The following ST18 variants were observed in gnomAD, a reference collection of about 807,000 sequenced individuals.
The protein encoded by ST18 is suppression of tumorigenicity 18 protein.
ST18 carries 50 observed loss-of-function variants against 110.0 expected under a neutral mutation model. The ratio of observed to expected loss-of-function variants is 0.45; its 90% confidence interval spans 0.36 to 0.58. The LOEUF is 0.58. Ranked by LOEUF, ST18 falls within the 20% of genes least tolerant of loss-of-function variation. The probability of loss-of-function intolerance (pLI) is 0.00; values close to 1 mark genes in which losing one functional copy is unlikely to be tolerated. For synonymous variants in ST18, 461 were observed against 452.4 expected (o/e 1.02, Z -0.24); for missense variants, 1,306 against 1,280.1 (o/e 1.02, Z -0.31).
intron 2 of ST18, among the ~76,000 whole-genome samples, chr8:52,270,711 G>T (rs1037611564): frequency 5.3e-5 from 8 of 152,086 alleles, no homozygotes; most frequent in African/African-American, 1.7e-4. Flanking sequence ...GTAGGTAAGT[G>T]GTTGTTTGGG....
intron 12 of ST18, 23 bp from the exon 13 acceptor site, chr8:52,164,113 G>A (rs1440288791): frequency 3.2e-6 from 5 of 1,585,136 alleles, no homozygotes; most frequent in Non-Finnish European, 4.3e-6. Context: ...AGAAACACAG[G>A]AGGATTTTAG....
intron 9 of ST18, among the ~76,000 whole-genome samples, chr8:52,173,247 CA>C (rs553037068): frequency 1.2e-4 from 18 of 152,282 alleles, no homozygotes; most frequent in African/African-American, 3.8e-4. Context: ...TTAGCATGAT[CA>C]AATCATATCT....
At chr8:52,232,263 C>T (rs1262529451) in intron 2 of ST18, among the ~76,000 whole-genome samples, 1 of 152,184 alleles carries the variant, frequency 6.6e-6, no homozygotes, top group Admixed American at 6.5e-5. Flanking sequence ...ACTTGATCTT[C>T]CCTTCAGATG....
At chr8:52,306,434 T>C (rs1482124535) in intron 2 of ST18, among the ~76,000 whole-genome samples, 1 of 152,084 alleles carries the variant, frequency 6.6e-6, no homozygotes, top group African/African-American at 2.4e-5. Flanking sequence ...AGAGAAGACG[T>C]GCGGTGAGTT....
rs148079856 is a variant in ST18, at chr8:52,227,441, A to G, written c.-419+2591T>C. On this transcript the variant is annotated intron_variant, in intron 3 of 25. Coordinates refer to ENST00000689386, the MANE Select transcript of ST18 (RefSeq NM_001352837.2). ...ACCAGACTGGAGAAGCTTCCAGAAG[A>G]CGATGATTCCTGAAAAATTCATCCC... is the stretch of plus-strand genomic sequence containing the variant. Among the ~76,000 whole-genome samples the G allele has an allele frequency of 6.6e-5, 10 of 152,300 alleles. No homozygotes were observed. In the East Asian group the frequency reaches 1.5e-3, roughly 23 times the overall value.
chr8:52,281,470 G>C (rs141286144), intron 2 of ST18, among the ~76,000 whole-genome samples: 77 of 152,198 alleles, frequency 5.1e-4, no homozygotes, highest in African/African-American at 1.7e-3. Context: ...TTAGAAATGC[G>C]AAAGAAGGAA....
intron 2 of ST18, among the ~76,000 whole-genome samples, chr8:52,382,078 T>C (rs1375082783): frequency 6.6e-6 from 1 of 152,148 alleles, no homozygotes; most frequent in African/African-American, 2.4e-5. Context: ...CAATAGTAGT[T>C]AGGGATCCTG....
At chr8:52,374,118 C>T (rs1831263842) in intron 2 of ST18, among the ~76,000 whole-genome samples, 1 of 152,176 alleles carries the variant, frequency 6.6e-6, no homozygotes, top group Non-Finnish European at 1.5e-5. Flanking sequence ...TTGAAGGGTG[C>T]CACCAAAATC....
At chr8:52,300,818 G>T (rs1452089993) in intron 2 of ST18, among the ~76,000 whole-genome samples, 1 of 152,028 alleles carries the variant, frequency 6.6e-6, no homozygotes. Flanking sequence ...TTTACTCCTG[G>T]CCCTTTACAG....
chr8:52,120,278 C>T (rs930092756), intron 23 of ST18, among the ~76,000 whole-genome samples: 63 of 152,256 alleles, frequency 4.1e-4, no homozygotes, highest in Middle Eastern at 3.4e-3. Flanking sequence ...TTTGAGCTAT[C>T]GAAAACTTCT....
In ST18 at chr8:52,246,946, AGTGGAAGAACCAGGTTTCAGATAT is replaced by A. The variant is rs2093909563; in HGVS notation, c.-464-16893_-464-16870del. Among the ~76,000 whole-genome samples, 8 of 152,330 alleles carry A rather than the reference AGTGGAAGAACCAGGTTTCAGATAT, an allele frequency of 5.3e-5. No homozygotes were observed. In the South Asian group the frequency reaches 1.7e-3, roughly 32 times the overall value. ...ACTTATCCAGGGCACAGACTGAGTCAGTGGAAGAACCAGGTTTCAGATATGTGAACTCAAAAAGGGAGTACTGTA... is the reference window on the plus strand; with the variant it reads ...ACTTATCCAGGGCACAGACTGAGTCAGTGAACTCAAAAAGGGAGTACTGTA... On this transcript the variant is annotated intron_variant, in intron 2 of 25. Coordinates refer to ENST00000689386, the MANE Select transcript of ST18 (RefSeq NM_001352837.2).
In ST18 at chr8:52,116,308, A is replaced by C. The variant is rs2042517584; in HGVS notation, c.2970T>G (p.Ile990Met). 1.2e-6 allele frequency: 2 copies of C among 1,613,838 alleles called. No individual in the cohort carries two copies. The highest frequency in any genetic ancestry group is 1.3e-5 in the African/African-American group (1 of 74,916). Reference sequence around the variant, plus strand: ...GAAGCTGGATGTCAGCAAGGCTTGAAATGAGAGCTTGGCTTAGACCTGCCA... The same window carrying C: ...GAAGCTGGATGTCAGCAAGGCTTGACATGAGAGCTTGGCTTAGACCTGCCA... The part of the protein sequence containing the change: ...KELAGLSQAL[I>M]SSLADIQLPQ... The change falls in exon 25 of 26, where the codon ATT becomes ATG. Residue 990 changes from isoleucine (I) to methionine (M), a missense_variant. Transcript: ENST00000689386.
chr8:52,281,939 A>G (rs1401169401), intron 2 of ST18, among the ~76,000 whole-genome samples: 3 of 152,220 alleles, frequency 2.0e-5, no homozygotes, highest in Non-Finnish European at 2.9e-5. Flanking sequence ...CATTGGGTAC[A>G]ACGTACACTG....
At position 52,149,922 on chromosome 8, in the gene ST18, T is replaced by C. The variant is rs771973980; in HGVS notation, c.1862A>G (p.Asn621Ser). The change falls in exon 16 of 26, where the codon AAT becomes AGT. Residue 621 changes from asparagine (N) to serine (S), a missense_variant. By Grantham distance (46) the Asn-to-Ser change is conservative (BLOSUM62 1). Transcript: ENST00000689386. The part of the protein sequence containing the change: ...NGTLDLSMKK[N>S]RILDKSAPLT... ...GGGTGCAGACTTGTCCAGGATTCGA[T>C]TTTTTTTCATGCTTAAGTCCAATGT... The C allele has an allele frequency of 1.8e-5, 29 of 1,613,900 alleles. No homozygotes were observed. Among genetic ancestry groups the C allele is most frequent in the Non-Finnish European group, 2.3e-5 (27 of 1,179,946 alleles).
intron 2 of ST18, among the ~76,000 whole-genome samples, chr8:52,401,722 G>C (rs1842855651): frequency 6.6e-6 from 1 of 151,826 alleles, no homozygotes; most frequent in South Asian, 2.1e-4. Flanking sequence ...TCCTAATTTT[G>C]TTGCATTGTC....
rs1196971534 is a variant in ST18 at position 52,166,945 on chromosome 8, G to T, written c.1111C>A (p.Pro371Thr). The change falls in exon 11 of 26, where the codon CCT (proline) becomes ACT (threonine). Residue 371 changes from proline to threonine, a missense_variant. Physicochemically the swap from Pro to Thr is conservative, Grantham distance 38 (BLOSUM62 -1). Transcript: ENST00000689386. ...PEKRETKCPI[P>T]GCDGTGHVTG... ...ACGTGTCCCGTGCCATCACATCCAG[G>T]GATCGGGCACTTGGTCTCCCTCTTT... 6.2e-7 allele frequency: 1 copy of T among 1,612,044 alleles called. No individual in the cohort carries two copies. Among genetic ancestry groups the T allele is most frequent in the African/African-American group, 1.3e-5 (1 of 74,912 alleles).
intron 2 of ST18, among the ~76,000 whole-genome samples, chr8:52,280,510 C>G (rs373622582): frequency 6.6e-6 from 1 of 150,976 alleles, no homozygotes; most frequent in South Asian, 2.1e-4. Context: ...AACAAAAAGC[C>G]GAAAGTAAAA....
intron 2 of ST18, among the ~76,000 whole-genome samples, chr8:52,257,048 A>G (rs1349907264): frequency 6.6e-6 from 1 of 152,214 alleles, no homozygotes; most frequent in Non-Finnish European, 1.5e-5. Flanking sequence ...TAATAATGGA[A>G]TCATATAATA....
Position 52,159,063 on chromosome 8 carries a change from A to C in ST18, c.1641T>G (p.Ser547Arg), listed in dbSNP as rs762168311. ...NPVKFPNRLP[S>R]AGAHTQSPGR... is the part of the protein sequence containing the mutation. ...CAGGGCTCTGGGTGTGGGCGCCTGC[A>C]CTAGGCAGTCGATTAGGAAATTTCA... The change falls in exon 15 of 26, where the codon AGT becomes AGG. Residue 547 changes from serine to arginine, a missense_variant. By Grantham distance (110) the Ser-to-Arg change is moderately radical. Transcript: ENST00000689386. 4 of 1,614,044 alleles carry C rather than the reference A, an allele frequency of 2.5e-6. 1 individual carries two copies. The African/African-American group carries it at 5.3e-5, about 22-fold the overall frequency.
Sources: gnomAD v4.1 joint callset for allele counts (sites outside exome capture counted in the v4.1 genomes callset) on GRCh38, gnomAD v4.1.1 for gene constraint, MANE v1.5 for transcripts, NCBI Gene and HGNC (gene_info 2026-07-23, HGNC 2026-07-21) for gene names.